Variants in PDE1C observed in about 807,000 individuals in gnomAD.
The protein encoded by PDE1C is dual specificity calcium/calmodulin-dependent 3',5'-cyclic nucleotide phosphodiesterase 1C.
PDE1C carries 62 observed loss-of-function variants against 93.1 expected under a neutral mutation model. The ratio of observed to expected loss-of-function variants is 0.67; its 90% CI spans 0.54 to 0.82. The LOEUF is 0.82. Among genes scored for constraint, PDE1C ranks in the 40% least tolerant of loss-of-function variants. The pLI is 0.00. For missense variants in PDE1C, 742 were observed against 884.6 expected (o/e 0.84, Z 2.04); for synonymous variants, 325 against 310.1 (o/e 1.05, Z -0.50).
At chr7:32,423,391 A>C (rs1055437133) in intron 1 of PDE1C, among the ~76,000 whole-genome samples, 3 of 152,154 alleles carry the variant, frequency 2.0e-5, no homozygotes, top group Admixed American at 2.0e-4. Context: ...AACAAATAAA[A>C]AATAAAAAAG....
chr7:31,825,783 T>C (rs947287850), intron 12 of PDE1C, among the ~76,000 whole-genome samples: 5 of 152,056 alleles, frequency 3.3e-5, no homozygotes, highest in African/African-American at 1.2e-4. Context: ...TGGTACTGCC[T>C]CTGTATGGGA....
At chr7:31,956,810 T>G (rs1391800485) in intron 2 of PDE1C, among the ~76,000 whole-genome samples, 1 of 152,136 alleles carries the variant, frequency 6.6e-6, no homozygotes, top group Admixed American at 6.5e-5. Context: ...TTCATAGACA[T>G]AGAATTGAAC....
chr7:32,291,502 T>C (rs1812324871), intron 1 of PDE1C, among the ~76,000 whole-genome samples: 1 of 152,186 alleles, frequency 6.6e-6, no homozygotes, highest in Non-Finnish European at 1.5e-5. Context: ...AGCATATAGG[T>C]GAAATAGCTG....
chr7:31,690,556 A>C, the PDE1C span, among the ~76,000 whole-genome samples: 1 of 152,246 alleles, frequency 6.6e-6, no homozygotes, highest in Admixed American at 6.5e-5. Context: ...CATCTTTAAG[A>C]TTTAGCAACT....
intron 1 of PDE1C, among the ~76,000 whole-genome samples, chr7:32,222,397 C>T (rs528366359): frequency 1.3e-5 from 2 of 152,268 alleles, no homozygotes; most frequent in South Asian, 2.1e-4. Flanking sequence ...CCCAGACTAG[C>T]ACAGGGCCTG....
chr7:32,399,202 T>G (rs1207981956), intron 1 of PDE1C, among the ~76,000 whole-genome samples: 1 of 152,196 alleles, frequency 6.6e-6, no homozygotes, highest in Non-Finnish European at 1.5e-5. Context: ...CACACGGTTG[T>G]GTGTCCTCAG....
Position 31,824,788 on chromosome 7 carries a change from C to T in PDE1C, c.1406+79G>A, listed in dbSNP as rs1471450480. ...GGCAAATGCCATTATGAAATACCAT[C>T]CCCATCCCCAGCAAAAGAAGAATTC... On this transcript the variant is annotated intron_variant, in intron 13 of 17. Transcript: ENST00000396191. The T allele has an allele frequency of 4.5e-6, 7 of 1,554,164 alleles. No homozygotes were observed. The East Asian group carries it at 6.8e-5, about 15-fold the overall frequency.
At chr7:32,096,485 A>G (rs1563309344) in intron 3 of PDE1C, among the ~76,000 whole-genome samples, 1 of 152,164 alleles carries the variant, frequency 6.6e-6, no homozygotes, top group Non-Finnish European at 1.5e-5. Flanking sequence ...CATCTTGTCA[A>G]TCTTACCATG....
the PDE1C span, among the ~76,000 whole-genome samples, chr7:31,661,584 G>A: frequency 6.6e-6 from 1 of 152,032 alleles, no homozygotes; most frequent in Admixed American, 6.6e-5. Flanking sequence ...ATGGTGGCAC[G>A]TGCCTATAAT....
chr7:32,015,977 C>A (rs983870391), intron 2 of PDE1C, among the ~76,000 whole-genome samples: 16 of 152,140 alleles, frequency 1.1e-4, no homozygotes, highest in African/African-American at 3.6e-4. Flanking sequence ...AAGGCGGAAA[C>A]GGCTTTCCAT....
chr7:32,353,910 A>G (rs550360578), intron 1 of PDE1C, among the ~76,000 whole-genome samples: 2 of 152,222 alleles, frequency 1.3e-5, no homozygotes, highest in South Asian at 4.1e-4. Flanking sequence ...CCTCAGGTCC[A>G]TGGTTAGATA....
downstream of PDE1C, among the ~76,000 whole-genome samples, chr7:31,750,601 G>T (rs77726936): frequency 0.033 from 5,093 of 152,304 alleles, 124 homozygotes; most frequent in African/African-American, 0.063. Flanking sequence ...TCAATTTACA[G>T]CTAAAGAAAC....
intron 16 of PDE1C, among the ~76,000 whole-genome samples, chr7:31,807,268 C>G (rs1476713352): frequency 2.6e-5 from 4 of 151,880 alleles, no homozygotes; most frequent in African/African-American, 4.8e-5. Context: ...GAAACAGAGA[C>G]AGACATTAAA....
At chr7:32,045,736 C>T (rs1199715083) in intron 2 of PDE1C, among the ~76,000 whole-genome samples, 1 of 152,130 alleles carries the variant, frequency 6.6e-6, no homozygotes, top group Non-Finnish European at 1.5e-5. Flanking sequence ...ACCAATGGGC[C>T]TTAATATATC....
At chr7:32,298,794 C>G (rs554864514) in exon 1 of PDE1C, 71 of 1,536,892 alleles carry the variant, frequency 4.6e-5, no homozygotes, top group South Asian at 2.7e-4. Context: ...CGGTCCCCCC[C>G]ACGGCGGAGT....
chr7:31,620,324 C>A, the PDE1C span, among the ~76,000 whole-genome samples: 1 of 152,012 alleles, frequency 6.6e-6, no homozygotes, highest in African/African-American at 2.4e-5. Flanking sequence ...GTCCCTGACC[C>A]CTGACCCCTG....
chr7:32,170,690 A>G (rs1421550700), intron 2 of PDE1C, among the ~76,000 whole-genome samples: 1 of 152,108 alleles, frequency 6.6e-6, no homozygotes, highest in Non-Finnish European at 1.5e-5. Context: ...TGTGCCCAAC[A>G]CAGCTAGTTC....
chr7:32,251,412 C>T (rs1003062440), intron 1 of PDE1C, among the ~76,000 whole-genome samples: 1 of 152,206 alleles, frequency 6.6e-6, no homozygotes, highest in Non-Finnish European at 1.5e-5. Flanking sequence ...AGACCAGGCA[C>T]CTTCGTCATC....
chr7:32,142,183 G>A (rs949267861), intron 3 of PDE1C, among the ~76,000 whole-genome samples: 81 of 152,218 alleles, frequency 5.3e-4, no homozygotes, highest in African/African-American at 1.9e-3. Flanking sequence ...AGAAAAGGCA[G>A]AAGGAGAAGG....
Sources: allele counts gnomAD v4.1 joint callset (sites outside exome capture counted in the v4.1 genomes callset), GRCh38; gene constraint gnomAD v4.1.1; transcripts MANE v1.5; gene names NCBI Gene and HGNC (gene_info 2026-07-23, HGNC 2026-07-21).